Variants in TRPS1 observed in about 807,000 individuals in gnomAD.
TRPS1 encodes zinc finger transcription factor Trps1.
Under a neutral mutation model 101.2 loss-of-function variants are expected in TRPS1, and 6 were observed. The observed-to-expected ratio is 0.06, with a 90% CI of 0.03 to 0.12. The LOEUF is 0.12. Among genes scored for constraint, TRPS1 ranks in the 10% least tolerant of loss-of-function variants. The pLI is 1.00. For synonymous variants in TRPS1, 578 were observed against 589.8 expected, an observed-to-expected ratio of 0.98 and a Z score of 0.29; for missense variants, 1,363 against 1,567.0, an observed-to-expected ratio of 0.87 and a Z score of 2.20.
At chr8:115,478,882 T>C (rs1162959046) in intron 5 of TRPS1, among the ~76,000 whole-genome samples, 1 of 147,032 alleles carries the variant, frequency 6.8e-6, no homozygotes, top group Non-Finnish European at 1.5e-5. Flanking sequence ...TAGATGTGTA[T>C]ATATGTATGT....
At chr8:115,577,916 A>G (rs146725489) in intron 5 of TRPS1, among the ~76,000 whole-genome samples, 27 of 152,296 alleles carry the variant, frequency 1.8e-4, no homozygotes, top group African/African-American at 5.3e-4. Context: ...ACAAAGCGTG[A>G]AGGGTAGCAG....
intron 5 of TRPS1, among the ~76,000 whole-genome samples, chr8:115,426,569 G>T (rs1284448083): frequency 6.6e-6 from 1 of 151,952 alleles, no homozygotes; most frequent in Non-Finnish European, 1.5e-5. Context: ...CATAATAACT[G>T]GTTTATGAAG....
chr8:115,587,690 T>C, intron 4 of TRPS1, 86 bp from the exon 5 acceptor site: 1 of 1,600,804 alleles, frequency 6.2e-7, no homozygotes, highest in Non-Finnish European at 8.5e-7. Flanking sequence ...CTGAATTTTC[T>C]ACCTACTCAT....
chr8:115,450,808 G>A (rs1813851632), intron 5 of TRPS1, among the ~76,000 whole-genome samples: 1 of 152,182 alleles, frequency 6.6e-6, no homozygotes, highest in Admixed American at 6.5e-5. Flanking sequence ...CCTTGGGACA[G>A]CGTTTTAGTG....
At chr8:115,447,282 G>A (rs779769660) in intron 5 of TRPS1, among the ~76,000 whole-genome samples, 42 of 152,094 alleles carry the variant, frequency 2.8e-4, no homozygotes, top group Non-Finnish European at 4.3e-4. Flanking sequence ...GAGACAAAGC[G>A]GAGTTGCTCA....
chr8:115,414,026 C>T lies in TRPS1; in HGVS notation c.3882G>A (p.Glu1294=). Residue 1294 remains glutamate (E), a synonymous_variant, in exon 7 of 7, where the codon GAG becomes GAA. Transcript: ENST00000395715. This position sits in a 1 kb window ranked among gnomAD's most constrained non-coding sequence, Gnocchi z 4.8. The part of the protein sequence containing the change: ...AQVEKNGKPK[E] The stretch of plus-strand genomic sequence containing the variant: ...AATTGTGCTAAGTGCTAAGGTTTTA[C>T]TCTTTAGGTTTTCCATTTTTTTCCA... 4 of 1,613,400 alleles carry T rather than the reference C, an allele frequency of 2.5e-6. No homozygotes were observed. Among genetic ancestry groups the T allele is most frequent in the African/African-American group, 1.3e-5 (1 of 74,932 alleles).
chr8:115,542,652 A>C (rs1162331329), intron 5 of TRPS1, among the ~76,000 whole-genome samples: 1 of 152,084 alleles, frequency 6.6e-6, no homozygotes, highest in African/African-American at 2.4e-5. Flanking sequence ...TTAGACTCTG[A>C]CTTCCTCCTA....
At chr8:115,480,322 T>C (rs1814719493) in intron 5 of TRPS1, among the ~76,000 whole-genome samples, 1 of 152,138 alleles carries the variant, frequency 6.6e-6, no homozygotes, top group Non-Finnish European at 1.5e-5. Flanking sequence ...ATGGTAGTTA[T>C]TATTATTTAG....
chr8:115,581,943 A>C (rs1356216391), intron 5 of TRPS1, among the ~76,000 whole-genome samples: 1 of 152,216 alleles, frequency 6.6e-6, no homozygotes, highest in Non-Finnish European at 1.5e-5. Flanking sequence ...GCATATAGTC[A>C]ATAGTTTTTA....
At chr8:115,454,261 T>G (rs1033009665) in intron 5 of TRPS1, among the ~76,000 whole-genome samples, 3 of 152,220 alleles carry the variant, frequency 2.0e-5, no homozygotes, top group African/African-American at 7.2e-5. Context: ...ATACAGCCAT[T>G]CAAATAGGCT....
chr8:115,645,729 A>C (rs759669300), intron 1 of TRPS1, among the ~76,000 whole-genome samples: 6 of 152,242 alleles, frequency 3.9e-5, no homozygotes, highest in Non-Finnish European at 5.9e-5. Context: ...AAATGATGGC[A>C]CATGTCATTA....
chr8:115,587,562 T>C lies in TRPS1; in HGVS notation c.2139A>G (p.Thr713=). 1 of 1,614,176 alleles carries C rather than the reference T, an allele frequency of 6.2e-7. No homozygotes were observed. The highest frequency in any genetic ancestry group is 8.5e-7 in the Non-Finnish European group (1 of 1,180,020). ...CCAGTAGTGACTGAGTATCGGCAGC[T>C]GTAAAACTGCACTGACGGCATTTGT... ...SCYKCRQCSF[T]AADTQSLLEH... The change falls in exon 5 of 7, where the codon ACA becomes ACG. Residue 713 remains threonine (T), a synonymous_variant. Coordinates refer to ENST00000395715, the MANE Select transcript of TRPS1 (RefSeq NM_014112.5).
intron 5 of TRPS1, among the ~76,000 whole-genome samples, chr8:115,541,040 A>G (rs1300635187): frequency 6.6e-6 from 1 of 152,096 alleles, no homozygotes; most frequent in Non-Finnish European, 1.5e-5. Context: ...CTTATATAAT[A>G]TTTAATTTAT....
intron 5 of TRPS1, among the ~76,000 whole-genome samples, chr8:115,460,834 T>C (rs1814150022): frequency 6.6e-6 from 1 of 152,202 alleles, no homozygotes; most frequent in Admixed American, 6.5e-5. Context: ...ATTGATCACA[T>C]ACTATATTCT....
chr8:115,499,180 A>T (rs1815240640), intron 5 of TRPS1, among the ~76,000 whole-genome samples: 1 of 152,148 alleles, frequency 6.6e-6, no homozygotes, highest in Non-Finnish European at 1.5e-5. Context: ...GAGGGCATAG[A>T]CGTCTTGGTT....
intron 5 of TRPS1, among the ~76,000 whole-genome samples, chr8:115,555,266 T>C (rs1183929399): frequency 6.6e-6 from 1 of 152,208 alleles, no homozygotes; most frequent in Non-Finnish European, 1.5e-5. Flanking sequence ...TCAGGTAGAA[T>C]TTCTTTCATA....
chr8:115,556,473 C>T (rs147561323), intron 5 of TRPS1, among the ~76,000 whole-genome samples: 17 of 152,186 alleles, frequency 1.1e-4, no homozygotes, highest in Non-Finnish European at 1.8e-4. Flanking sequence ...TGAAAATCAA[C>T]GTCCTTTTAT....
chr8:115,488,677 C>CA (rs904855188), intron 5 of TRPS1, among the ~76,000 whole-genome samples: 11 of 151,896 alleles, frequency 7.2e-5, no homozygotes, highest in African/African-American at 2.7e-4. Context: ...CCGTCAAAAA[C>CA]AAAAACCAAA....
intron 4 of TRPS1, among the ~76,000 whole-genome samples, chr8:115,603,250 A>T (rs1490159041): frequency 1.3e-5 from 2 of 152,178 alleles, no homozygotes; most frequent in Non-Finnish European, 2.9e-5. Context: ...AACTTCCCAC[A>T]TCCATTTAAG....
Sources: allele counts gnomAD v4.1 joint callset (sites outside exome capture counted in the v4.1 genomes callset), GRCh38; gene constraint gnomAD v4.1.1; non-coding constraint Gnocchi (gnomAD v3.1); transcripts MANE v1.5; gene names NCBI Gene and HGNC (gene_info 2026-07-23, HGNC 2026-07-21).